Variants in DOK5 observed in about 807,000 individuals in gnomAD.
DOK5 encodes the protein docking protein 5, also known as downstream of tyrosine kinase 5.
Under a neutral mutation model 43.3 loss-of-function variants are expected in DOK5, and 27 were observed. That is an observed-to-expected ratio of 0.62 (90% CI 0.46 to 0.86). The LOEUF is 0.86. DOK5 is among the 40% of genes least tolerant of loss of function. The pLI is 0.00. For synonymous variants in DOK5, 146 were observed against 140.1 expected (o/e 1.04, Z -0.30); for missense variants, 373 against 392.9 (o/e 0.95, Z 0.43).
At chr20:54,628,977 G>A (rs570321361) in intron 6 of DOK5, among the ~76,000 whole-genome samples, 2 of 152,250 alleles carry the variant, frequency 1.3e-5, no homozygotes, top group East Asian at 3.9e-4. Context: ...GAAATGCAGG[G>A]AACATTTTAA....
intron 1 of DOK5, among the ~76,000 whole-genome samples, chr20:54,481,409 C>T (rs539714981): frequency 3.3e-5 from 5 of 152,142 alleles, no homozygotes; most frequent in Non-Finnish European, 7.4e-5. Context: ...ACCTTGAGAT[C>T]CACAAGCCTC....
At chr20:54,621,645 C>T (rs1005810090) in intron 6 of DOK5, among the ~76,000 whole-genome samples, 1 of 151,242 alleles carries the variant, frequency 6.6e-6, no homozygotes, top group East Asian at 2.0e-4. Context: ...GCTGAGATTG[C>T]ACCACTGCGC....
At chr20:54,601,389 C>T (rs753144942) in intron 5 of DOK5, among the ~76,000 whole-genome samples, 4 of 152,196 alleles carry the variant, frequency 2.6e-5, no homozygotes, top group Admixed American at 1.3e-4. Flanking sequence ...CACAAGGAGA[C>T]AGATCATATC....
At chr20:54,584,642 G>A (rs1038900096) in intron 2 of DOK5, among the ~76,000 whole-genome samples, 9 of 149,640 alleles carry the variant, frequency 6.0e-5, no homozygotes, top group Non-Finnish European at 1.0e-4. Flanking sequence ...TTGTGTGTTT[G>A]TATATATGTA....
intron 5 of DOK5, among the ~76,000 whole-genome samples, chr20:54,603,839 T>A (rs540043488): frequency 1.8e-3 from 278 of 152,122 alleles, no homozygotes; most frequent in Non-Finnish European, 3.3e-3. Context: ...TGCTTCTTCA[T>A]CTCATGTCTG....
Position 54,643,475 on chromosome 20 carries a change from T to C in DOK5, c.753T>C (p.Ser251=). The C allele has an allele frequency of 6.2e-7, 1 of 1,613,598 alleles. No individual in the cohort carries two copies. The highest frequency in any genetic ancestry group is 8.5e-7 in the Non-Finnish European group (1 of 1,180,028). Residue 251 remains serine (S), a synonymous_variant, in exon 7 of 8, where the codon AGT becomes AGC. Coordinates refer to ENST00000262593, the MANE Select transcript of DOK5 (RefSeq NM_018431.5). The part of the protein sequence containing the change: ...VKNSMLQMKM[S]ERAASLSTMV... ...GGCTGCAGCTCCAGATGAAGATGAG[T>C]GAGCGGGCCGCCTCGCTGAGCACCA...
chr20:54,523,025 A>C (rs983279549), intron 1 of DOK5, among the ~76,000 whole-genome samples: 1 of 152,214 alleles, frequency 6.6e-6, no homozygotes, highest in Non-Finnish European at 1.5e-5. Flanking sequence ...AGAGTAAAAA[A>C]AGTATGTCTG....
At chr20:54,512,099 C>T (rs1385819140) in intron 1 of DOK5, among the ~76,000 whole-genome samples, 1 of 152,186 alleles carries the variant, frequency 6.6e-6, no homozygotes, top group African/African-American at 2.4e-5. Flanking sequence ...TGTGAAAGAA[C>T]AGATGCCCCA....
intron 1 of DOK5, among the ~76,000 whole-genome samples, chr20:54,554,388 T>C (rs1169672495): frequency 6.6e-6 from 1 of 152,240 alleles, no homozygotes; most frequent in Non-Finnish European, 1.5e-5. Flanking sequence ...CTGGTAGTAA[T>C]CTTCAAGTCT....
At chr20:54,643,820 C>A (rs1979244464) in intron 7 of DOK5, among the ~76,000 whole-genome samples, 1 of 152,136 alleles carries the variant, frequency 6.6e-6, no homozygotes, top group South Asian at 2.1e-4. Context: ...AATGAAGATT[C>A]TTGGGTTTCA....
chr20:54,547,632 A>C (rs375548214), intron 1 of DOK5, among the ~76,000 whole-genome samples: 3 of 152,340 alleles, frequency 2.0e-5, no homozygotes, highest in African/African-American at 7.2e-5. Flanking sequence ...ATTTTAAAGG[A>C]AGAAAAGACA....
At chr20:54,549,394 T>C (rs1013040467) in intron 1 of DOK5, among the ~76,000 whole-genome samples, 2 of 152,228 alleles carry the variant, frequency 1.3e-5, no homozygotes, top group African/African-American at 2.4e-5. Context: ...TACTGTCTGC[T>C]TTTGTACCAT....
chr20:54,613,919 A>C (rs1402783503), intron 6 of DOK5, among the ~76,000 whole-genome samples: 2 of 151,922 alleles, frequency 1.3e-5, no homozygotes, highest in Non-Finnish European at 2.9e-5. Flanking sequence ...CTTTGGCCCC[A>C]GGAATTCAAG....
chr20:54,557,944 T>G lies in DOK5; in HGVS notation c.174+2904T>G, dbSNP rs74811661. On this transcript the variant is annotated intron_variant, in intron 2 of 7. Transcript: ENST00000262593. ...ACGGTCTACAAAGACAGGGATTTTT[T>G]GGGGATGGGAGACATGATTCACTAT... Among the ~76,000 whole-genome samples, 1,095 of 152,334 alleles carry G rather than the reference T, an allele frequency of 7.2e-3. 9 individuals are homozygous for G. Among genetic ancestry groups the G allele is most frequent in the Middle Eastern group, 0.054 (16 of 294 alleles).
intron 1 of DOK5, among the ~76,000 whole-genome samples, chr20:54,539,304 A>G (rs933727714): frequency 1.5e-5 from 2 of 134,704 alleles, no homozygotes; most frequent in African/African-American, 3.4e-5. Context: ...AAAAAAAAAA[A>G]AAAAAGTGGA....
rs533160106 is a variant in DOK5, at chr20:54,579,248, C to T, written c.175-9235C>T. Among the ~76,000 whole-genome samples the T allele has an allele frequency of 4.6e-5, 7 of 152,086 alleles. No homozygotes were observed. In the South Asian group the frequency reaches 1.5e-3, roughly 32 times the overall value. Reference sequence around the variant, plus strand: ...TACCATATTACCATTAATACAAGAACAGTATCACTTGCCATGAATAGAAAT... The same window carrying T: ...TACCATATTACCATTAATACAAGAATAGTATCACTTGCCATGAATAGAAAT... On this transcript the variant is annotated intron_variant, in intron 2 of 7. Coordinates refer to ENST00000262593, the MANE Select transcript of DOK5 (RefSeq NM_018431.5).
chr20:54,551,383 A>G (rs568907417), intron 1 of DOK5, among the ~76,000 whole-genome samples: 4 of 152,270 alleles, frequency 2.6e-5, no homozygotes, highest in African/African-American at 4.8e-5. Context: ...AGTTTTTCAC[A>G]TAACGGAAGT....
At chr20:54,646,246 C>CTTTTTTTTTTTT (rs1234153656) in intron 7 of DOK5, among the ~76,000 whole-genome samples, 1 of 80,676 alleles carries the variant, frequency 1.2e-5, no homozygotes, top group African/African-American at 4.6e-5. Flanking sequence ...ACTGGTTATA[C>CTTTTTTTTTTTT]TGTTTTTTTT....
chr20:54,603,697 C>T (rs1434450988), intron 5 of DOK5, among the ~76,000 whole-genome samples: 1 of 152,120 alleles, frequency 6.6e-6, no homozygotes, highest in Non-Finnish European at 1.5e-5. Flanking sequence ...AATAACAAAG[C>T]ACGATCAGAC....
Sources: gnomAD v4.1 joint callset for allele counts (sites outside exome capture counted in the v4.1 genomes callset) on GRCh38, gnomAD v4.1.1 for gene constraint, MANE v1.5 for transcripts, NCBI Gene and HGNC (gene_info 2026-07-23, HGNC 2026-07-21) for gene names.